Variants in PTPRD observed in about 807,000 individuals in gnomAD.
PTPRD encodes the protein receptor-type tyrosine-protein phosphatase delta.
Under a neutral mutation model 214.5 loss-of-function variants are expected in PTPRD, and 34 were observed. The observed-to-expected ratio is 0.16, with a 90% CI of 0.12 to 0.21. PTPRD has a LOEUF of 0.21. Ranked by LOEUF, PTPRD falls within the 10% of genes least tolerant of loss-of-function variation. The pLI is 1.00. For missense variants in PTPRD, 2,545 were observed against 2,398.7 expected (o/e 1.06, Z -1.27); for synonymous variants, 1,128 against 845.7 (o/e 1.33, Z -5.79).
At chr9:8,775,153 A>T (rs996438755) in intron 11 of PTPRD, among the ~76,000 whole-genome samples, 5 of 152,218 alleles carry the variant, frequency 3.3e-5, no homozygotes, top group Non-Finnish European at 7.3e-5. Context: ...AAAATAAAAT[A>T]CATCATTAAA....
intron 31 of PTPRD, among the ~76,000 whole-genome samples, chr9:8,469,922 C>T (rs1182455570): frequency 2.0e-5 from 3 of 152,084 alleles, no homozygotes; most frequent in Non-Finnish European, 4.4e-5. Flanking sequence ...AGATCACAGT[C>T]TCCTTTGTGC....
intron 2 of PTPRD, among the ~76,000 whole-genome samples, chr9:10,578,591 T>G (rs1445137275): frequency 6.6e-6 from 1 of 152,170 alleles, no homozygotes; most frequent in African/African-American, 2.4e-5. Context: ...ATAAAAAAGA[T>G]TGACCAATAA....
At chr9:9,915,984 C>T (rs2080655943) in intron 5 of PTPRD, among the ~76,000 whole-genome samples, 1 of 150,966 alleles carries the variant, frequency 6.6e-6, no homozygotes, top group South Asian at 2.1e-4. Context: ...CATTAAGTAA[C>T]ATATAAGGGA....
rs1223592218 is a variant in PTPRD, at chr9:10,523,610, T to TAGAGAGAGAGAGAGAG, written c.-600+88787_-600+88788insCTCTCTCTCTCTCTCT. Among the ~76,000 whole-genome samples, 108 of 95,698 alleles carry TAGAGAGAGAGAGAGAG rather than the reference T, an allele frequency of 1.1e-3. 2 individuals are homozygous for TAGAGAGAGAGAGAGAG. The highest frequency in any genetic ancestry group is 3.5e-3 in the African/African-American group (105 of 30,370). The allele number at this position is 95,698 out of a possible 152,430, so 62.8% of individuals were successfully genotyped here. A position where few individuals can be genotyped will look rare whatever the true frequency, so the allele number is the denominator to read the frequency against. ...TCAAGTATATTTATCTGTATATATATATATATATATATAGACAGAAAGAAA... is the reference window on the plus strand; with the variant it reads ...TCAAGTATATTTATCTGTATATATATAGAGAGAGAGAGAGAGATATATATATATAGACAGAAAGAAA... On this transcript the variant is annotated intron_variant, in intron 2 of 45. Transcript: ENST00000381196.
intron 2 of PTPRD, among the ~76,000 whole-genome samples, chr9:10,543,892 G>A (rs1375235243): frequency 6.6e-6 from 1 of 152,124 alleles, no homozygotes; most frequent in Non-Finnish European, 1.5e-5. Context: ...CTAAGATGTC[G>A]GGGAATCTGC....
At chr9:9,880,451 G>A (rs2068301699) in intron 5 of PTPRD, among the ~76,000 whole-genome samples, 1 of 152,096 alleles carries the variant, frequency 6.6e-6, no homozygotes, top group Admixed American at 6.6e-5. Context: ...TCAAAAATCA[G>A]ATATCACCAT....
intron 14 of PTPRD, among the ~76,000 whole-genome samples, chr9:8,534,274 C>G (rs888127288): frequency 3.3e-5 from 5 of 151,834 alleles, no homozygotes; most frequent in Non-Finnish European, 7.4e-5. Flanking sequence ...AACACAATGA[C>G]ACTGCAAAGA....
chr9:10,008,726 G>T (rs2382104), intron 4 of PTPRD, among the ~76,000 whole-genome samples: 115,076 of 151,728 alleles, frequency 0.76, 44,776 homozygotes, highest in Middle Eastern at 0.88. Context: ...CTGTAACCTG[G>T]TATTAGGAAT....
At chr9:9,801,127 G>C (rs375329247) in intron 5 of PTPRD, among the ~76,000 whole-genome samples, 1 of 151,974 alleles carries the variant, frequency 6.6e-6, no homozygotes, top group South Asian at 2.1e-4. Flanking sequence ...TAAATATTAG[G>C]CACTTCCATC....
chr9:8,874,361 G>GT (rs376892586), intron 11 of PTPRD, among the ~76,000 whole-genome samples: 1,224 of 84,774 alleles, frequency 0.014, 16 homozygotes, highest in African/African-American at 0.033. Context: ...TGAACGGACT[G>GT]TTTTTTTTGC....
At chr9:8,414,245 T>C (rs1431819590) in intron 35 of PTPRD, among the ~76,000 whole-genome samples, 3 of 152,212 alleles carry the variant, frequency 2.0e-5, no homozygotes, top group Admixed American at 6.5e-5. Flanking sequence ...CACAAGTGGC[T>C]ACAACCCAAT....
intron 4 of PTPRD, among the ~76,000 whole-genome samples, chr9:9,991,278 T>C (rs1014706111): frequency 1.3e-5 from 2 of 151,826 alleles, no homozygotes; most frequent in Non-Finnish European, 2.9e-5. Context: ...AAATTTCTTA[T>C]ACAGAACACA....
At chr9:8,529,921 C>A (rs2075249808) in intron 14 of PTPRD, among the ~76,000 whole-genome samples, 1 of 152,076 alleles carries the variant, frequency 6.6e-6, no homozygotes, top group Non-Finnish European at 1.5e-5. Flanking sequence ...ATTTTTACTT[C>A]CAATTGAGTC....
intron 2 of PTPRD, among the ~76,000 whole-genome samples, chr9:10,457,458 G>A (rs1320481821): frequency 6.6e-6 from 1 of 151,940 alleles, no homozygotes. Flanking sequence ...GCTTCTTTCA[G>A]TGTCTTCACG....
At chr9:8,790,164 G>A (rs13293584) in intron 11 of PTPRD, among the ~76,000 whole-genome samples, 24,739 of 151,240 alleles carry the variant, frequency 0.16, 2,583 homozygotes, top group Admixed American at 0.22. Flanking sequence ...CTACAGGCAC[G>A]CATCACTATG....
rs148679492 is a variant in PTPRD, at chr9:9,695,168, A to T, written c.-287+39365T>A. On this transcript the variant is annotated intron_variant, in intron 7 of 45. Transcript: ENST00000381196. ...CAGGGCTCAAGGGCTCTTTAGTCAG[A>T]AGTCGATGAATCTTGCCAGGACTGG... Among the ~76,000 whole-genome samples, 8 of 152,218 alleles carry T rather than the reference A, an allele frequency of 5.3e-5. No homozygotes were observed. In the East Asian group the frequency reaches 1.6e-3, roughly 29 times the overall value.
intron 11 of PTPRD, among the ~76,000 whole-genome samples, chr9:8,837,931 G>A (rs1483069344): frequency 6.6e-6 from 1 of 152,158 alleles, no homozygotes; most frequent in East Asian, 1.9e-4. Context: ...TAAATTATAT[G>A]TAATATGCCC....
At chr9:8,541,784 A>G (rs1443732058) in intron 14 of PTPRD, among the ~76,000 whole-genome samples, 1 of 152,198 alleles carries the variant, frequency 6.6e-6, no homozygotes, top group Non-Finnish European at 1.5e-5. Flanking sequence ...ACTATGATTT[A>G]TTTCTTTTCG....
At chr9:9,909,136 T>A (rs940958231) in intron 5 of PTPRD, among the ~76,000 whole-genome samples, 14 of 151,902 alleles carry the variant, frequency 9.2e-5, no homozygotes, top group Admixed American at 5.9e-4. Flanking sequence ...ATGTAATGAT[T>A]TTTGATTGCT....
Sources: allele counts gnomAD v4.1 joint callset (sites outside exome capture counted in the v4.1 genomes callset), GRCh38; gene constraint gnomAD v4.1.1; transcripts MANE v1.5; gene names NCBI Gene and HGNC (gene_info 2026-07-23, HGNC 2026-07-21).